IL13RA2: variants seen among roughly 807,000 people sequenced by gnomAD.
The protein encoded by IL13RA2 is interleukin 13 receptor subunit alpha 2, also known as interleukin-13 receptor subunit alpha-2.
A neutral mutation model predicts 34.1 loss-of-function variants in IL13RA2; 25 were observed. The ratio of observed to expected loss-of-function variants is 0.73; its 90% CI spans 0.53 to 1.03. The LOEUF is 1.03. Among genes scored for constraint, IL13RA2 ranks in the 50% least tolerant of loss-of-function variants. The pLI is 0.00. For synonymous variants in IL13RA2, 106 were observed against 100.4 expected, an observed-to-expected ratio of 1.06 and a Z score of -0.33; for missense variants, 297 against 280.9, an observed-to-expected ratio of 1.06 and a Z score of -0.41.
intron 3 of IL13RA2, among the ~76,000 whole-genome samples, chrX:115,015,395 C>T (rs17095063): frequency 3.9e-4 from 44 of 111,710 alleles, no homozygotes; most frequent in African/African-American, 1.4e-3. Context: ...AAATGCTCTT[C>T]TAGTGAAGTG....
Position 115,004,898 on chromosome X carries a change from A to G in IL13RA2, c.1116+299T>C, listed in dbSNP as rs140931683. On this transcript the variant is annotated intron_variant, in intron 9 of 9. Coordinates refer to ENST00000243213, the MANE Select transcript of IL13RA2 (RefSeq NM_000640.3). The stretch of plus-strand genomic sequence containing the variant: ...TTAATTCACTCTTCTATTTCTCCCA[A>G]TCCTGCTTTTCTCTTGTAACTCTTT... Among the ~76,000 whole-genome samples, 17 of 112,054 alleles carry G rather than the reference A, an allele frequency of 1.5e-4. No homozygotes were observed. The East Asian group carries it at 4.0e-3, about 26-fold the overall frequency.
intron 8 of IL13RA2, 101 bp from the exon 9 acceptor site, chrX:115,005,416 GA>G (rs2071681602): frequency 3.7e-6 from 2 of 539,746 alleles, no homozygotes; most frequent in East Asian, 6.8e-5. Flanking sequence ...GTTGAGCTTG[GA>G]AACCCCTGTC....
At chrX:115,009,387 T>A in intron 7 of IL13RA2, 134 bp downstream of exon 7, 1 of 463,958 alleles carries the variant, frequency 2.2e-6, no homozygotes, top group Non-Finnish European at 3.7e-6. Context: ...CTTATTTGGC[T>A]TTCTGGAAAT....
At chrX:115,014,371 A>C in intron 4 of IL13RA2, 50 bp downstream of exon 4, 1 of 965,303 alleles carries the variant, frequency 1.0e-6, no homozygotes, top group East Asian at 3.1e-5. Flanking sequence ...CTTATTCCCA[A>C]ATGAATTGTT....
chrX:115,009,265 C>T (rs1473035053), intron 7 of IL13RA2, among the ~76,000 whole-genome samples: 2 of 109,923 alleles, frequency 1.8e-5, no homozygotes, highest in Non-Finnish European at 3.8e-5. Context: ...CCATCTTAAG[C>T]CTTCACCAAC....
chrX:115,012,474 A>G (rs782436227), intron 5 of IL13RA2, among the ~76,000 whole-genome samples: 2 of 111,679 alleles, frequency 1.8e-5, no homozygotes, highest in Non-Finnish European at 3.8e-5. Context: ...ATAAAAAAAA[A>G]TAGTTCAAGG....
chrX:115,014,014 T>C, intron 4 of IL13RA2, 125 bp from the exon 5 acceptor site: 1 of 557,893 alleles, frequency 1.8e-6, no homozygotes, highest in Non-Finnish European at 3.0e-6. Context: ...CATAACAGGA[T>C]TATTTCAAAA....
intron 3 of IL13RA2, 35 bp downstream of exon 3, chrX:115,015,635 A>G (rs1556509745): frequency 1.7e-6 from 2 of 1,147,122 alleles, no homozygotes. Context: ...ACACCTGATG[A>G]TCACTCTGAT....
intron 6 of IL13RA2, among the ~76,000 whole-genome samples, chrX:115,010,357 C>T (rs893990835): frequency 1.1e-4 from 12 of 112,112 alleles, no homozygotes; most frequent in Non-Finnish European, 2.1e-4. Context: ...TACTGTATAG[C>T]AGACAAACTG....
At chrX:115,013,910 G>A in intron 4 of IL13RA2, 21 bp from the exon 5 acceptor site, 1 of 1,017,059 alleles carries the variant, frequency 9.8e-7, no homozygotes, top group South Asian at 1.9e-5. Context: ...AATCAACTGT[G>A]AATGTTTGAA....
intron 3 of IL13RA2, 45 bp downstream of exon 3, chrX:115,015,625 A>G (rs1556509740): frequency 6.4e-6 from 7 of 1,101,889 alleles, no homozygotes; most frequent in Non-Finnish European, 8.8e-6. Flanking sequence ...TCACAAAGTA[A>G]CACCTGATGA....
At chrX:115,005,978 C>T (rs1348822131) in intron 8 of IL13RA2, among the ~76,000 whole-genome samples, 5 of 112,012 alleles carry the variant, frequency 4.5e-5, no homozygotes, top group Non-Finnish European at 9.4e-5. Flanking sequence ...GTACCTCTCA[C>T]TTGTTTTGGA....
At chrX:115,011,682 A>G (rs782624870) in intron 5 of IL13RA2, among the ~76,000 whole-genome samples, 10 of 112,225 alleles carry the variant, frequency 8.9e-5, no homozygotes, top group Non-Finnish European at 1.9e-4. Flanking sequence ...AGAGTTTGCA[A>G]AATTGTTGTC....
Position 115,007,950 on chromosome X carries a change from C to T in IL13RA2, c.979G>A (p.Asp327Asn). The change falls in exon 8 of 10, where the codon GAT becomes AAT. Residue 327 changes from aspartate to asparagine, a missense_variant. By Grantham distance (23) the Asp-to-Asn change is conservative. Coordinates refer to ENST00000243213, the MANE Select transcript of IL13RA2 (RefSeq NM_000640.3). The part of the protein sequence containing the change: ...SDDGIWSEWS[D>N]KQCWEGEDLS... ...CTCATACCTTCCCAGCATTGTTTAT[C>T]ACTCCACTCACTCCAAATTCCGTCA... The T allele has an allele frequency of 9.0e-7, 1 of 1,113,678 alleles. No homozygotes were observed. The highest frequency in any genetic ancestry group is 1.2e-6 in the Non-Finnish European group (1 of 809,326). The allele number at this position is 1,113,678 out of a possible 1,213,427, so 91.8% of individuals were successfully genotyped here. A position where few individuals can be genotyped will look rare whatever the true frequency, so the allele number is the denominator to read the frequency against.
At chrX:115,014,857 T>A (rs1170136499) in intron 3 of IL13RA2, among the ~76,000 whole-genome samples, 1 of 111,608 alleles carries the variant, frequency 9.0e-6, no homozygotes. Context: ...TTGAGCTATA[T>A]CTGCTTGGAA....
chrX:115,015,575 A>C, intron 3 of IL13RA2, 95 bp downstream of exon 3: 1 of 766,720 alleles, frequency 1.3e-6, no homozygotes, highest in African/African-American at 2.0e-5. Flanking sequence ...AATTAGAACT[A>C]TTGAGATATG....
Position 115,015,836 on chromosome X carries a change from T to C in IL13RA2, c.95-15A>G, listed in dbSNP as rs782544764. 1.8e-6 allele frequency: 2 copies of C among 1,090,394 alleles called. No homozygotes were observed. The highest frequency in any genetic ancestry group is 4.7e-5 in the Admixed American group (2 of 42,710). 89.9% of individuals were successfully genotyped at this position (1,090,394 alleles called of 1,213,427 possible). A position where few individuals can be genotyped will look rare whatever the true frequency, so the allele number is the denominator to read the frequency against. On this transcript the variant is annotated splice_polypyrimidine_tract_variant and intron_variant, in intron 2 of 9. Coordinates refer to ENST00000243213, the MANE Select transcript of IL13RA2 (RefSeq NM_000640.3). ...AGGAGGGTTAACTGAAATAAATCAA[T>C]AAAACACTTTTATTTTTTCTGTATT...
intron 9 of IL13RA2, 112 bp downstream of exon 9, chrX:115,005,085 C>T (rs1202636608): frequency 4.1e-6 from 2 of 488,717 alleles, no homozygotes; most frequent in East Asian, 3.5e-5. Flanking sequence ...ATCAATTGTA[C>T]ACCCACAGCG....
chrX:115,009,979 A>G (rs1182626884), intron 6 of IL13RA2, among the ~76,000 whole-genome samples: 1 of 112,067 alleles, frequency 8.9e-6, no homozygotes, highest in Non-Finnish European at 1.9e-5. Context: ...TAACAACCAC[A>G]ATCAACAATA....
Sources: allele counts gnomAD v4.1 joint callset (sites outside exome capture counted in the v4.1 genomes callset), GRCh38; gene constraint gnomAD v4.1.1; transcripts MANE v1.5; gene names NCBI Gene and HGNC (gene_info 2026-07-23, HGNC 2026-07-21).